TOMM70: variants seen among roughly 807,000 people sequenced by gnomAD.
The protein encoded by TOMM70 is translocase of outer mitochondrial membrane 70.
TOMM70 carries 13 observed loss-of-function variants against 73.6 expected under a neutral mutation model. That is an observed-to-expected ratio of 0.18 (90% CI 0.11 to 0.28). The LOEUF (loss-of-function observed/expected upper bound fraction) is 0.28, where lower values mean the gene tolerates loss of function less well. Ranked by LOEUF, TOMM70 falls within the 10% of genes least tolerant of loss-of-function variation. The probability of loss-of-function intolerance (pLI) is 1.00; values close to 1 mark genes in which losing one functional copy is unlikely to be tolerated. For missense variants in TOMM70, 609 were observed against 747.5 expected, an observed-to-expected ratio of 0.81 and a Z score of 2.16; for synonymous variants, 257 against 271.2, an observed-to-expected ratio of 0.95 and a Z score of 0.51.
At chr3:100,376,026 C>T (rs757707211) in intron 6 of TOMM70, among the ~76,000 whole-genome samples, 4 of 152,118 alleles carry the variant, frequency 2.6e-5, no homozygotes, top group Admixed American at 1.3e-4. Context: ...TTCAAAAACA[C>T]TTATTATTGT....
chr3:100,394,643 A>G (rs1706801450), intron 1 of TOMM70, among the ~76,000 whole-genome samples: 1 of 152,126 alleles, frequency 6.6e-6, no homozygotes, highest in African/African-American at 2.4e-5. Context: ...AGCTGGGATT[A>G]CAGAAACCCA....
At position 100,401,050 on chromosome 3, in the gene TOMM70, G is replaced by T. The variant is rs1042526593; in HGVS notation, c.-101C>A. On this transcript the variant is annotated 5_prime_UTR_variant, in exon 1 of 12. Coordinates refer to ENST00000284320, the MANE Select transcript of TOMM70 (RefSeq NM_014820.5). ...GAGGGAGGGAAGGAAAGCAATGAGC[G>T]AGCGAGCACGCTAGGCAGAGAGAGC... The T allele has an allele frequency of 2.4e-6, 3 of 1,243,534 alleles. No homozygotes were observed. The highest frequency in any genetic ancestry group is 2.1e-5 in the Admixed American group (1 of 47,272). The allele number at this position is 1,243,534 out of a possible 1,614,324, so 77.0% of individuals were successfully genotyped here.
chr3:100,376,588 A>T (rs1331455394), intron 6 of TOMM70, among the ~76,000 whole-genome samples: 2 of 143,916 alleles, frequency 1.4e-5, no homozygotes, highest in East Asian at 2.0e-4. Context: ...CGTCCAATCT[A>T]TTTTTTTTTT....
Position 100,365,765 on chromosome 3 carries a change from A to G in TOMM70, c.1674-48T>C, listed in dbSNP as rs1422422404. 3 of 1,602,760 alleles carry G rather than the reference A, an allele frequency of 1.9e-6. No individual in the cohort carries two copies. In the Admixed American group the frequency reaches 5.0e-5, roughly 27 times the overall value. ...TCTCAGATTCAACAAGCACTTCACAATATTCAATGAAGGTTGTAAGTGATG... is the reference window on the plus strand; with the variant it reads ...TCTCAGATTCAACAAGCACTTCACAGTATTCAATGAAGGTTGTAAGTGATG... On this transcript the variant is annotated intron_variant, in intron 11 of 11. Transcript: ENST00000284320.
intron 1 of TOMM70, among the ~76,000 whole-genome samples, chr3:100,393,828 T>C (rs1432553121): frequency 1.3e-5 from 2 of 152,070 alleles, no homozygotes; most frequent in Admixed American, 6.6e-5. Context: ...AGGCTACTCA[T>C]GAGAATCCGC....
At position 100,372,656 on chromosome 3, in the gene TOMM70, C is replaced by G; in HGVS notation, c.1402G>C (p.Val468Leu). Residue 468 changes from valine (V) to leucine (L), a missense_variant, in exon 9 of 12, where the codon GTC (valine) becomes CTC (leucine). Physicochemically the swap from Val to Leu is conservative, Grantham distance 32 (BLOSUM62 1). Coordinates refer to ENST00000284320, the MANE Select transcript of TOMM70 (RefSeq NM_014820.5). ...GCACACCTTGGAAATTTCTTTATGACCTCTTCAAAACCTTTCATAGCTGCT... is the reference window on the plus strand; with the variant it reads ...GCACACCTTGGAAATTTCTTTATGAGCTCTTCAAAACCTTTCATAGCTGCT... ...IQAAMKGFEE[V>L]IKKFPRCAEG... 1 of 1,614,092 alleles carries G rather than the reference C, an allele frequency of 6.2e-7. No homozygotes were observed. The highest frequency in any genetic ancestry group is 8.5e-7 in the Non-Finnish European group (1 of 1,179,994).
chr3:100,368,015 T>C (rs558673018), intron 11 of TOMM70, 29 bp downstream of exon 11: 16 of 1,604,342 alleles, frequency 1.0e-5, no homozygotes, highest in East Asian at 4.5e-5. Context: ...GGAGCTACCA[T>C]ATATTTCCTA....
In TOMM70 at chr3:100,384,641, C is replaced by A. The variant is rs1706669967; in HGVS notation, c.626-53G>T. 6.1e-6 allele frequency: 8 copies of A among 1,308,932 alleles called. No homozygotes were observed. The South Asian group carries it at 6.7e-5, about 11-fold the overall frequency. 81.1% of individuals were successfully genotyped at this position (1,308,932 alleles called of 1,614,324 possible). On this transcript the variant is annotated intron_variant, in intron 3 of 11. Transcript: ENST00000284320. The stretch of plus-strand genomic sequence containing the variant: ...AATATAAAATTATTGCAAAGATGGT[C>A]AGCAGCATCAAATGGGTACAATGTA...
intron 5 of TOMM70, among the ~76,000 whole-genome samples, chr3:100,379,435 G>A (rs1335888261): frequency 1.3e-5 from 2 of 151,966 alleles, no homozygotes; most frequent in Admixed American, 6.6e-5. Context: ...ACCAGCCGGG[G>A]AAACATGGCA....
At chr3:100,366,254 A>G (rs1706446644) in intron 11 of TOMM70, among the ~76,000 whole-genome samples, 1 of 152,222 alleles carries the variant, frequency 6.6e-6, no homozygotes, top group African/African-American at 2.4e-5. Context: ...CAGGCAGTCT[A>G]TGTGAGTTCC....
chr3:100,394,863 T>C (rs1207423330), intron 1 of TOMM70, among the ~76,000 whole-genome samples: 2 of 152,068 alleles, frequency 1.3e-5, no homozygotes, highest in African/African-American at 2.4e-5. Flanking sequence ...ATAATAAGGA[T>C]TCAAACCTAA....
intron 5 of TOMM70, among the ~76,000 whole-genome samples, chr3:100,379,592 T>C (rs1706607267): frequency 6.6e-6 from 1 of 152,174 alleles, no homozygotes; most frequent in Non-Finnish European, 1.5e-5. Flanking sequence ...CGCAACACTC[T>C]ACTCCAGCCT....
intron 1 of TOMM70, among the ~76,000 whole-genome samples, chr3:100,396,014 GT>G (rs34486101): frequency 0.69 from 96,700 of 140,710 alleles, 33,129 homozygotes; most frequent in East Asian, 0.9. Context: ...CTGGTATCAG[GT>G]TTTTTTTTTT....
Position 100,381,665 on chromosome 3 carries a change from T to G in TOMM70, c.834A>C (p.Lys278Asn). The change falls in exon 5 of 12, where the codon AAA becomes AAC. Residue 278 changes from lysine (K) to asparagine (N), a missense_variant. Transcript: ENST00000284320. ...IISQPMLKGEKSDEDKDKEGE... is the reference protein window; with the variant it reads ...IISQPMLKGENSDEDKDKEGE... ...CTTCCTTGTCTTTATCTTCATCAGA[T>G]TTCTCTCCTTTAAGCATGGGCTGGG... 1 of 1,613,424 alleles carries G rather than the reference T, an allele frequency of 6.2e-7. No individual in the cohort carries two copies. Among genetic ancestry groups the G allele is most frequent in the South Asian group, 1.1e-5 (1 of 90,972 alleles).
chr3:100,388,313 C>T (rs555756136), intron 1 of TOMM70, among the ~76,000 whole-genome samples: 1 of 152,114 alleles, frequency 6.6e-6, no homozygotes, highest in Non-Finnish European at 1.5e-5. Flanking sequence ...AGGGTGATTG[C>T]TAGAAAACTT....
chr3:100,382,100 C>T (rs1706640521), intron 4 of TOMM70, among the ~76,000 whole-genome samples: 2 of 152,304 alleles, frequency 1.3e-5, no homozygotes, highest in Non-Finnish European at 2.9e-5. Flanking sequence ...ACTGAAATCA[C>T]ATTTCCTGTT....
At chr3:100,395,284 G>T (rs7637142) in intron 1 of TOMM70, among the ~76,000 whole-genome samples, 2,335 of 152,126 alleles carry the variant, frequency 0.015, 27 homozygotes, top group African/African-American at 0.04. Flanking sequence ...CAGGAGAATC[G>T]GTTGAACCCG....
chr3:100,400,508 GTGT>G, intron 1 of TOMM70, 115 bp downstream of exon 1: 1 of 1,184,512 alleles, frequency 8.4e-7, no homozygotes, highest in Non-Finnish European at 1.2e-6. Flanking sequence ...CTAAACCCAA[GTGT>G]TGTGCTGCCG....
intron 1 of TOMM70, among the ~76,000 whole-genome samples, chr3:100,397,042 C>A (rs1706833438): frequency 6.6e-6 from 1 of 152,178 alleles, no homozygotes; most frequent in South Asian, 2.1e-4. Flanking sequence ...AAACCCTAAA[C>A]AGACAATATT....
Sources: gnomAD v4.1 joint callset for allele counts (sites outside exome capture counted in the v4.1 genomes callset) on GRCh38, gnomAD v4.1.1 for gene constraint, MANE v1.5 for transcripts, NCBI Gene and HGNC (gene_info 2026-07-23, HGNC 2026-07-21) for gene names.